Variants in ZCCHC24 observed in about 807,000 individuals in gnomAD.
The protein encoded by ZCCHC24 is zinc finger CCHC domain-containing protein 24.
ZCCHC24 carries 10 observed loss-of-function variants against 26.2 expected under a neutral mutation model. The ratio of observed to expected loss-of-function variants is 0.38; its 90% confidence interval spans 0.24 to 0.65. ZCCHC24 has a LOEUF of 0.65. Ranked by LOEUF, ZCCHC24 falls within the 30% of genes least tolerant of loss-of-function variation. The pLI, the probability that ZCCHC24 is intolerant of heterozygous loss-of-function variation, is 0.54. For synonymous variants in ZCCHC24, 144 were observed against 147.1 expected, an observed-to-expected ratio of 0.98 and a Z score of 0.15; for missense variants, 243 against 329.1, an observed-to-expected ratio of 0.74 and a Z score of 2.03.
chr10:79,432,717 G>T lies in ZCCHC24; in HGVS notation c.288C>A (p.Gly96=). The change falls in exon 2 of 4, where the codon GGC becomes GGA. Residue 96 remains glycine (G), a synonymous_variant. Transcript: ENST00000372336. ...GGCCATCGGCGATGTTGTTGAGGGAGCCATAGGGTGAGGCGCCCTTGTACA... is the reference window on the plus strand; with the variant it reads ...GGCCATCGGCGATGTTGTTGAGGGATCCATAGGGTGAGGCGCCCTTGTACA... The part of the protein sequence containing the change: ...NSVYKGASPY[G]SLNNIADGLS... 1 of 1,610,582 alleles carries T rather than the reference G, an allele frequency of 6.2e-7. No individual in the cohort carries two copies. The highest frequency in any genetic ancestry group is 8.5e-7 in the Non-Finnish European group (1 of 1,178,764).
At chr10:79,417,461 C>T (rs1319072634) in intron 2 of ZCCHC24, among the ~76,000 whole-genome samples, 1 of 152,184 alleles carries the variant, frequency 6.6e-6, no homozygotes, top group Admixed American at 6.5e-5. Context: ...TGGAGATCAG[C>T]AGGTCTACAG....
chr10:79,393,326 C>T (rs1306724105), intron 3 of ZCCHC24, among the ~76,000 whole-genome samples: 3 of 152,222 alleles, frequency 2.0e-5, no homozygotes, highest in African/African-American at 7.2e-5. Flanking sequence ...TCATTTCCAA[C>T]ATCTGTGTCC....
In ZCCHC24 at chr10:79,384,946, G is replaced by C. The variant is rs1245864528; in HGVS notation, c.*1399C>G. 6.6e-6 allele frequency: 1 copy of C among 152,208 alleles called. No individual in the cohort carries two copies. Among genetic ancestry groups the C allele is most frequent in the Non-Finnish European group, 1.5e-5 (1 of 68,044 alleles). The allele number at this position is 152,208 out of a possible 1,614,324, so 9.4% of individuals were successfully genotyped here. Reference sequence around the variant, plus strand: ...TCATCCGGGAGACAGAGGAGCGCACGATCCCGCCGCCAGCCAGGACAGTGG... The same window carrying C: ...TCATCCGGGAGACAGAGGAGCGCACCATCCCGCCGCCAGCCAGGACAGTGG... On this transcript the variant is annotated 3_prime_UTR_variant, in exon 4 of 4. Coordinates refer to ENST00000372336, the MANE Select transcript of ZCCHC24 (RefSeq NM_153367.4).
At chr10:79,436,204 G>T (rs1857216130) in intron 1 of ZCCHC24, among the ~76,000 whole-genome samples, 1 of 152,104 alleles carries the variant, frequency 6.6e-6, no homozygotes, top group African/African-American at 2.4e-5. Flanking sequence ...CATGCCCACC[G>T]CGCAGCTCTG....
chr10:79,397,862 C>T lies in ZCCHC24; in HGVS notation c.448-3422G>A, dbSNP rs116232471. 7.6e-3 allele frequency among the ~76,000 whole-genome samples: 1,152 copies of T among 152,260 alleles called. 12 individuals are homozygous for T. The highest frequency in any genetic ancestry group is 0.026 in the African/African-American group (1,095 of 41,556). On this transcript the variant is annotated intron_variant, in intron 2 of 3. Coordinates refer to ENST00000372336, the MANE Select transcript of ZCCHC24 (RefSeq NM_153367.4). ...CAGAGTGAAGCGTGGGGACTGGGGC[C>T]AGACTGGAGGTGGACTCTGGGAATT...
intron 2 of ZCCHC24, among the ~76,000 whole-genome samples, chr10:79,425,686 AG>A (rs1242556621): frequency 6.6e-6 from 1 of 152,210 alleles, no homozygotes; most frequent in Non-Finnish European, 1.5e-5. Flanking sequence ...AGATCACTAT[AG>A]TACCTACCGA....
intron 2 of ZCCHC24, among the ~76,000 whole-genome samples, chr10:79,401,917 G>A (rs997054805): frequency 6.6e-6 from 1 of 152,220 alleles, no homozygotes; most frequent in African/African-American, 2.4e-5. Context: ...CAGCCCGGCC[G>A]CTGAGGTGGC....
At position 79,383,985 on chromosome 10, in the gene ZCCHC24, C is replaced by T. The variant is rs959317638; in HGVS notation, c.*2360G>A. ...TTTCCCATCCCCTGGGCTCCTGGCC[C>T]TCTGAGCACTTAATTCTCAATGGCA... On this transcript the variant is annotated 3_prime_UTR_variant, in exon 4 of 4. Transcript: ENST00000372336. The T allele has an allele frequency of 2.0e-5, 3 of 152,882 alleles. No individual in the cohort carries two copies. Among genetic ancestry groups the T allele is most frequent in the Middle Eastern group, 3.4e-3 (1 of 294 alleles). 9.5% of individuals were successfully genotyped at this position (152,882 alleles called of 1,614,324 possible). A position where few individuals can be genotyped will look rare whatever the true frequency, so the allele number is the denominator to read the frequency against.
intron 1 of ZCCHC24, among the ~76,000 whole-genome samples, chr10:79,433,808 C>T (rs1857176694): frequency 6.6e-6 from 1 of 152,192 alleles, no homozygotes; most frequent in Non-Finnish European, 1.5e-5. Context: ...AAGGAAGGGC[C>T]TCAGGCTCCC....
chr10:79,422,198 G>A (rs1244546284), intron 2 of ZCCHC24, among the ~76,000 whole-genome samples: 1 of 152,198 alleles, frequency 6.6e-6, no homozygotes, highest in Non-Finnish European at 1.5e-5. Flanking sequence ...CTGAGGAGAA[G>A]CTTCTAGTCA....
intron 2 of ZCCHC24, among the ~76,000 whole-genome samples, chr10:79,427,997 A>C (rs941633178): frequency 8.5e-5 from 13 of 152,218 alleles, no homozygotes; most frequent in Non-Finnish European, 1.8e-4. Flanking sequence ...AACTAAATCT[A>C]AAGCAAGCTG....
At chr10:79,426,396 G>T (rs1311764767) in intron 2 of ZCCHC24, among the ~76,000 whole-genome samples, 1 of 152,216 alleles carries the variant, frequency 6.6e-6, no homozygotes, top group Non-Finnish European at 1.5e-5. Context: ...GGAGCAGAAA[G>T]AATATTTGAA....
At chr10:79,421,553 T>C (rs566651492) in intron 2 of ZCCHC24, among the ~76,000 whole-genome samples, 9 of 152,054 alleles carry the variant, frequency 5.9e-5, no homozygotes, top group African/African-American at 2.2e-4. Flanking sequence ...CTAATTCCAC[T>C]GTCTAACATT....
chr10:79,425,299 G>T (rs2132209923), intron 2 of ZCCHC24, among the ~76,000 whole-genome samples: 1 of 152,280 alleles, frequency 6.6e-6, no homozygotes, highest in African/African-American at 2.4e-5. Flanking sequence ...GTTTTCTGTT[G>T]CCACCAGAGC....
rs902743522 is a variant in ZCCHC24 at position 79,445,336 on chromosome 10, G to T, written c.105C>A (p.Ser35Arg). The change falls in exon 1 of 4, where the codon AGC becomes AGA. Residue 35 changes from serine to arginine, a missense_variant. By Grantham distance (110) the Ser-to-Arg change is moderately radical. Coordinates refer to ENST00000372336, the MANE Select transcript of ZCCHC24 (RefSeq NM_153367.4). ...GCTCGGGCCGGAAGGCATCGAAGGC[G>T]CTAGCCTGGTGCGTGTCCTGCAGCG... The part of the protein sequence containing the change: ...YLSLQDTHQA[S>R]AFDAFRPEPT... 6.5e-7 allele frequency: 1 copy of T among 1,531,862 alleles called. No individual in the cohort carries two copies. 94.9% of individuals were successfully genotyped at this position (1,531,862 alleles called of 1,614,324 possible). A position where few individuals can be genotyped will look rare whatever the true frequency, so the allele number is the denominator to read the frequency against.
chr10:79,430,419 C>T (rs143362735), intron 2 of ZCCHC24, among the ~76,000 whole-genome samples: 101 of 151,882 alleles, frequency 6.6e-4, no homozygotes, highest in African/African-American at 2.3e-3. Flanking sequence ...CTTAAGGAGG[C>T]AAAGAATACA....
In ZCCHC24 at chr10:79,437,435, T is replaced by C. The variant is rs1331707927; in HGVS notation, c.247-4677A>G. On this transcript the variant is annotated intron_variant, in intron 1 of 3. Coordinates refer to ENST00000372336, the MANE Select transcript of ZCCHC24 (RefSeq NM_153367.4). Reference sequence around the variant, plus strand: ...TTAGTCCCCTCTTACCTGGCAAGAATACTATTCAAATGGGCATTATTGGCC... The same window carrying C: ...TTAGTCCCCTCTTACCTGGCAAGAACACTATTCAAATGGGCATTATTGGCC... 2.0e-5 allele frequency among the ~76,000 whole-genome samples: 3 copies of C among 152,192 alleles called. No homozygotes were observed. The East Asian group carries it at 5.8e-4, about 29-fold the overall frequency.
chr10:79,429,083 C>T (rs1043467037), intron 2 of ZCCHC24, among the ~76,000 whole-genome samples: 1 of 152,204 alleles, frequency 6.6e-6, no homozygotes. Context: ...ACTTTACAAA[C>T]TCTTCCAGAA....
intron 3 of ZCCHC24, among the ~76,000 whole-genome samples, chr10:79,392,466 C>A (rs1322823753): frequency 6.6e-6 from 1 of 152,136 alleles, no homozygotes; most frequent in African/African-American, 2.4e-5. Flanking sequence ...TTCCTAATTA[C>A]CCCCTCTTCT....
Sources: gnomAD v4.1 joint callset for allele counts (sites outside exome capture counted in the v4.1 genomes callset) on GRCh38, gnomAD v4.1.1 for gene constraint, MANE v1.5 for transcripts, NCBI Gene and HGNC (gene_info 2026-07-23, HGNC 2026-07-21) for gene names.